Variants in ETNK1 observed in about 807,000 individuals in gnomAD.
The protein encoded by ETNK1 is ethanolamine kinase 1.
ETNK1 carries 8 observed loss-of-function variants against 45.1 expected under a neutral mutation model. That is an observed-to-expected ratio of 0.18 (90% CI 0.10 to 0.32). The LOEUF is 0.32. ETNK1 is among the 10% of genes least tolerant of loss of function. The pLI, the probability that ETNK1 is intolerant of heterozygous loss-of-function variation, is 1.00. For missense variants in ETNK1, 302 were observed against 430.6 expected, an observed-to-expected ratio of 0.70 and a Z score of 2.64; for synonymous variants, 152 against 151.9, an observed-to-expected ratio of 1.00 and a Z score of -0.01.
At chr12:22,651,943 C>T (rs1413725211) in intron 2 of ETNK1, among the ~76,000 whole-genome samples, 2 of 152,106 alleles carry the variant, frequency 1.3e-5, no homozygotes, top group Non-Finnish European at 1.5e-5. Context: ...ACCTCGGCCT[C>T]CCAAAATGCT....
chr12:22,676,701 C>CT (rs1954165978), intron 6 of ETNK1, among the ~76,000 whole-genome samples: 1 of 152,116 alleles, frequency 6.6e-6, no homozygotes, highest in Non-Finnish European at 1.5e-5. Context: ...GATCACCATT[C>CT]TAACTGGCGT....
intron 6 of ETNK1, among the ~76,000 whole-genome samples, chr12:22,679,449 T>A (rs536140108): frequency 6.6e-6 from 1 of 152,132 alleles, no homozygotes; most frequent in African/African-American, 2.4e-5. Context: ...CCAGCCGACA[T>A]TGAGGGTGGG....
chr12:22,625,384 TCGCCGTCGC>T lies in ETNK1; in HGVS notation c.-44_-36del. The T allele has an allele frequency of 6.5e-7, 1 of 1,549,002 alleles. No individual in the cohort carries two copies. Among genetic ancestry groups the T allele is most frequent in the East Asian group, 2.4e-5 (1 of 41,990 alleles). On this transcript the variant is annotated 5_prime_UTR_variant, in exon 1 of 8. Transcript: ENST00000266517. Reference sequence around the variant, plus strand: ...CTGTCGGCGCCCGCCGTTCTCGTGGTCGCCGTCGCCGTCGTCGTGGTGGTAGTCTCCGCC... The same window carrying T: ...CTGTCGGCGCCCGCCGTTCTCGTGGTCGTCGTCGTGGTGGTAGTCTCCGCC...
Position 22,643,929 on chromosome 12 carries a change from A to T in ETNK1, c.323A>T (p.Gln108Leu). The change falls in exon 2 of 8, where the codon CAA (glutamine) becomes CTA (leucine). Residue 108 changes from glutamine (Q) to leucine (L), a missense_variant. Transcript: ENST00000266517. ...RVLQAHGCAP[Q>L]LYCTFNNGLC... ...TTGCAGGCTCATGGGTGTGCACCACAACTCTACTGTACCTTCAATAATGGA... is the reference window on the plus strand; with the variant it reads ...TTGCAGGCTCATGGGTGTGCACCACTACTCTACTGTACCTTCAATAATGGA... 1 of 1,613,492 alleles carries T rather than the reference A, an allele frequency of 6.2e-7. No individual in the cohort carries two copies. The highest frequency in any genetic ancestry group is 8.5e-7 in the Non-Finnish European group (1 of 1,179,540).
At position 22,689,722 on chromosome 12, in the gene ETNK1, A is replaced by G. The variant is rs1253369450; in HGVS notation, c.*4768A>G. On this transcript the variant is annotated 3_prime_UTR_variant, in exon 8 of 8. Coordinates refer to ENST00000266517, the MANE Select transcript of ETNK1 (RefSeq NM_018638.5). ...AAATTAGCTCCTGTGACTGGAAAAG[A>G]CCCCAAAAAGGCAGTAGAGGAGATT... The G allele has an allele frequency of 6.6e-6, 1 of 151,958 alleles. No homozygotes were observed. The highest frequency in any genetic ancestry group is 2.4e-5 in the African/African-American group (1 of 41,432). The allele number at this position is 151,958 out of a possible 1,614,324, so 9.4% of individuals were successfully genotyped here. A position where few individuals can be genotyped will look rare whatever the true frequency, so the allele number is the denominator to read the frequency against.
At chr12:22,635,961 T>C (rs1290191909) in intron 1 of ETNK1, among the ~76,000 whole-genome samples, 1 of 152,120 alleles carries the variant, frequency 6.6e-6, no homozygotes, top group Non-Finnish European at 1.5e-5. Flanking sequence ...GCAGACTGTT[T>C]GATTCCAGGA....
intron 4 of ETNK1, among the ~76,000 whole-genome samples, chr12:22,668,250 AT>A: frequency 6.6e-6 from 1 of 152,226 alleles, no homozygotes; most frequent in African/African-American, 2.4e-5. Context: ...AACTGAGATG[AT>A]GATCATGCTA....
chr12:22,649,375 T>C (rs1953845883), intron 2 of ETNK1, among the ~76,000 whole-genome samples: 1 of 152,116 alleles, frequency 6.6e-6, no homozygotes, highest in African/African-American at 2.4e-5. Flanking sequence ...TGTAATCCAT[T>C]TTGACAGAAT....
intron 2 of ETNK1, among the ~76,000 whole-genome samples, chr12:22,646,148 C>T (rs888545636): frequency 1.3e-5 from 2 of 151,738 alleles, no homozygotes; most frequent in Admixed American, 6.6e-5. Flanking sequence ...TAATTTGTTT[C>T]GCTGTTAAAT....
At chr12:22,671,576 C>T (rs1021624317) in intron 5 of ETNK1, among the ~76,000 whole-genome samples, 8 of 152,140 alleles carry the variant, frequency 5.3e-5, no homozygotes, top group African/African-American at 1.2e-4. Flanking sequence ...CGGTGGCTCA[C>T]GCCTGTAATC....
intron 6 of ETNK1, among the ~76,000 whole-genome samples, chr12:22,681,088 G>T (rs1954210802): frequency 6.6e-6 from 1 of 151,826 alleles, no homozygotes. Flanking sequence ...TATTTTTTTG[G>T]ATGTACTTGT....
chr12:22,671,441 CA>C, intron 5 of ETNK1, 86 bp downstream of exon 5: 1 of 874,540 alleles, frequency 1.1e-6, no homozygotes, highest in South Asian at 1.5e-5. Context: ...AAACCGTGAG[CA>C]GGGGGAACAT....
At chr12:22,672,985 G>GT (rs1189093416) in intron 5 of ETNK1, among the ~76,000 whole-genome samples, 1 of 152,090 alleles carries the variant, frequency 6.6e-6, no homozygotes, top group Non-Finnish European at 1.5e-5. Context: ...GTGAAATGTA[G>GT]TATCAGCTGG....
At chr12:22,639,908 A>C (rs1289307231) in intron 1 of ETNK1, among the ~76,000 whole-genome samples, 1 of 152,188 alleles carries the variant, frequency 6.6e-6, no homozygotes, top group Non-Finnish European at 1.5e-5. Flanking sequence ...CACATTTGTC[A>C]ACGGGAATTC....
chr12:22,628,704 TG>T (rs1953536364), intron 1 of ETNK1, among the ~76,000 whole-genome samples: 1 of 152,116 alleles, frequency 6.6e-6, no homozygotes, highest in African/African-American at 2.4e-5. Flanking sequence ...TCTTTCTGTT[TG>T]CAGTATTAAG....
chr12:22,627,174 G>A (rs7315482), intron 1 of ETNK1, among the ~76,000 whole-genome samples: 148,865 of 152,156 alleles, frequency 0.98, 72,913 homozygotes, highest in Middle Eastern at 1. Flanking sequence ...TTAGTCGCCC[G>A]AACAACCATA....
At chr12:22,629,279 A>G (rs1009501177) in intron 1 of ETNK1, among the ~76,000 whole-genome samples, 24 of 152,132 alleles carry the variant, frequency 1.6e-4, no homozygotes, top group Admixed American at 1.2e-3. Context: ...TTCACATGCA[A>G]AGATTACCCA....
chr12:22,652,193 A>T (rs10770912), intron 2 of ETNK1, among the ~76,000 whole-genome samples: 44,158 of 151,918 alleles, frequency 0.29, 6,753 homozygotes, highest in Non-Finnish European at 0.33. Flanking sequence ...CAGAATTTTC[A>T]TTTTCTTTCA....
intron 2 of ETNK1, among the ~76,000 whole-genome samples, chr12:22,653,011 T>C (rs774620683): frequency 9.9e-5 from 15 of 152,158 alleles, no homozygotes; most frequent in Non-Finnish European, 1.6e-4. Flanking sequence ...TTAGTTTTCA[T>C]ATATGGTGTA....
Sources: allele counts gnomAD v4.1 joint callset (sites outside exome capture counted in the v4.1 genomes callset), GRCh38; gene constraint gnomAD v4.1.1; transcripts MANE v1.5; gene names NCBI Gene and HGNC (gene_info 2026-07-23, HGNC 2026-07-21).